Variants in LRTM1 observed in about 807,000 individuals in gnomAD.
LRTM1 encodes the protein leucine-rich repeat and transmembrane domain-containing protein 1.
A neutral mutation model predicts 32.4 loss-of-function variants in LRTM1; 38 were observed. That is an observed-to-expected ratio of 1.17 (90% CI 0.91 to 1.54). The LOEUF (loss-of-function observed/expected upper bound fraction) is 1.54. Ranked by LOEUF, LRTM1 falls within the 40% of genes most tolerant of loss-of-function variation. The pLI is 0.00. For synonymous variants in LRTM1, 186 were observed against 169.9 expected, an observed-to-expected ratio of 1.09 and a Z score of -0.74; for missense variants, 466 against 415.4, an observed-to-expected ratio of 1.12 and a Z score of -1.06.
rs1156622475 is a variant in LRTM1 at position 54,918,790 on chromosome 3, G to A, written c.707C>T (p.Ala236Val). ...AGCCTGCGAGGACACTGGATCAGGA[G>A]CAGGAAGAGGGCAGGGCTGGTACAG... ...HELYQPCPLP[A>V]PDPVSSQAQW... is the part of the protein sequence containing the mutation. Residue 236 changes from alanine (A) to valine (V), a missense_variant, in exon 3 of 3, where the codon GCT (alanine) becomes GTT (valine). Transcript: ENST00000273286. 1 of 1,614,036 alleles carries A rather than the reference G, an allele frequency of 6.2e-7. No individual in the cohort carries two copies.
At chr3:54,953,790 G>T (rs138586356) in intron 1 of LRTM1, among the ~76,000 whole-genome samples, 1 of 152,094 alleles carries the variant, frequency 6.6e-6, no homozygotes, top group African/African-American at 2.4e-5. Flanking sequence ...GTGGGTGAGG[G>T]GGGTGCACTG....
chr3:54,922,979 G>C (rs1251810538), intron 2 of LRTM1, among the ~76,000 whole-genome samples: 1 of 152,164 alleles, frequency 6.6e-6, no homozygotes, highest in Non-Finnish European at 1.5e-5. Context: ...AGTATTCCAA[G>C]TATCTCCCAG....
intron 1 of LRTM1, among the ~76,000 whole-genome samples, chr3:54,934,651 A>G (rs555394971): frequency 6.6e-6 from 1 of 152,338 alleles, no homozygotes; most frequent in Admixed American, 6.5e-5. Context: ...AGACTTAGCC[A>G]GGTTCTGTGT....
chr3:54,954,545 C>T (rs78720911), intron 1 of LRTM1, among the ~76,000 whole-genome samples: 2,844 of 152,294 alleles, frequency 0.019, 44 homozygotes, highest in Non-Finnish European at 0.031. Flanking sequence ...CCTTCGGCTT[C>T]CCTTTGATTC....
At chr3:54,964,488 G>A (rs776231347) in intron 1 of LRTM1, among the ~76,000 whole-genome samples, 22 of 151,902 alleles carry the variant, frequency 1.4e-4, no homozygotes, top group Non-Finnish European at 2.9e-4. Context: ...TATTAAATTA[G>A]CAAGACTGAC....
At chr3:54,919,695 A>C (rs190933743) in intron 2 of LRTM1, among the ~76,000 whole-genome samples, 39 of 152,320 alleles carry the variant, frequency 2.6e-4, no homozygotes, top group Admixed American at 2.4e-3. Flanking sequence ...TTACTCTTTG[A>C]CTTTGGGAAA....
chr3:54,932,174 G>T (rs1001586382), upstream of LRTM1, among the ~76,000 whole-genome samples: 1 of 152,022 alleles, frequency 6.6e-6, no homozygotes, highest in African/African-American at 2.4e-5. Context: ...GTGAGACCCT[G>T]TCTCAAAAAA....
intron 1 of LRTM1, among the ~76,000 whole-genome samples, chr3:54,960,077 A>C (rs1357318329): frequency 2.2e-5 from 2 of 92,808 alleles, no homozygotes; most frequent in Non-Finnish European, 3.6e-5. Flanking sequence ...CTGACAGGAC[A>C]AAAAAAAAAA....
At chr3:54,933,040 C>T (rs1448797284), upstream of LRTM1, among the ~76,000 whole-genome samples, 3 of 147,274 alleles carry the variant, frequency 2.0e-5, no homozygotes, top group African/African-American at 5.4e-5. Flanking sequence ...GTCTTCCATC[C>T]ATCCATCCCT....
chr3:54,920,754 C>T (rs928628963), intron 2 of LRTM1, among the ~76,000 whole-genome samples: 1 of 152,176 alleles, frequency 6.6e-6, no homozygotes, highest in Non-Finnish European at 1.5e-5. Context: ...AGACTTCTAT[C>T]AGGGGAAGCA....
intron 2 of LRTM1, 71 bp from the exon 3 acceptor site, chr3:54,918,963 A>G: frequency 7.6e-6 from 10 of 1,307,410 alleles, no homozygotes; most frequent in Non-Finnish European, 1.0e-5. Context: ...CTCTGCCTGC[A>G]AAAACTTAGG....
chr3:54,950,416 A>G (rs1466479282), intron 1 of LRTM1, among the ~76,000 whole-genome samples: 1 of 152,134 alleles, frequency 6.6e-6, no homozygotes, highest in East Asian at 1.9e-4. Flanking sequence ...ATTTTAGGGA[A>G]CCTGTGTATG....
chr3:54,926,762 T>G (rs917867070), intron 1 of LRTM1, among the ~76,000 whole-genome samples: 20 of 152,160 alleles, frequency 1.3e-4, no homozygotes, highest in African/African-American at 4.3e-4. Context: ...TGAGGGGTAG[T>G]TGAACGGTTG....
intron 1 of LRTM1, among the ~76,000 whole-genome samples, chr3:54,958,424 T>C (rs1701954791): frequency 6.6e-6 from 1 of 152,194 alleles, no homozygotes; most frequent in South Asian, 2.1e-4. Flanking sequence ...TAGGTCAAAG[T>C]CAGTTTATTC....
At chr3:54,928,788 C>G (rs1701103660), upstream of LRTM1, among the ~76,000 whole-genome samples, 1 of 151,996 alleles carries the variant, frequency 6.6e-6, no homozygotes, top group Admixed American at 6.6e-5. Context: ...CTTCGTTTCC[C>G]TGATGCTGAG....
At chr3:54,952,539 G>T (rs753767809) in intron 1 of LRTM1, among the ~76,000 whole-genome samples, 1 of 152,128 alleles carries the variant, frequency 6.6e-6, no homozygotes, top group Admixed American at 6.5e-5. Context: ...TTAAGCAGAC[G>T]GAATGTCAAT....
At chr3:54,922,101 A>C (rs993385715) in intron 2 of LRTM1, among the ~76,000 whole-genome samples, 10 of 152,148 alleles carry the variant, frequency 6.6e-5, no homozygotes, top group African/African-American at 2.4e-4. Flanking sequence ...ATCTGTACTC[A>C]TGCAGCTCTG....
At chr3:54,922,020 C>A (rs1030136755) in intron 2 of LRTM1, among the ~76,000 whole-genome samples, 2 of 152,030 alleles carry the variant, frequency 1.3e-5, no homozygotes, top group African/African-American at 4.8e-5. Flanking sequence ...TGGATTTTTC[C>A]TAGTTATGTT....
rs542365013 is a variant in LRTM1, at chr3:54,926,466, G to T, written c.8-1251C>A. On this transcript the variant is annotated intron_variant, in intron 1 of 2. Coordinates refer to ENST00000273286, the MANE Select transcript of LRTM1 (RefSeq NM_020678.4). ...TCCACTTTTCCTCCCTCCAGAGTCT[G>T]TCAGAGTTCTTATCTACTGTGCTCC... Among the ~76,000 whole-genome samples, 178 of 150,268 alleles carry T rather than the reference G, an allele frequency of 1.2e-3. 1 individual carries two copies. The highest frequency in any genetic ancestry group is 4.2e-3 in the African/African-American group (171 of 40,894).
Sources: gnomAD v4.1 joint callset for allele counts (sites outside exome capture counted in the v4.1 genomes callset) on GRCh38, gnomAD v4.1.1 for gene constraint, MANE v1.5 for transcripts, NCBI Gene and HGNC (gene_info 2026-07-23, HGNC 2026-07-21) for gene names.